Variants in PLD5 observed in about 807,000 individuals in gnomAD.
The protein encoded by PLD5 is inactive phospholipase D5.
Under a neutral mutation model 61.1 loss-of-function variants are expected in PLD5, and 36 were observed. The observed-to-expected ratio is 0.59, with a 90% confidence interval of 0.45 to 0.78. The LOEUF (loss-of-function observed/expected upper bound fraction) is 0.78. PLD5 is among the 30% of genes least tolerant of loss of function. PLD5 has a pLI of 0.00. For missense variants in PLD5, 515 were observed against 644.4 expected, an observed-to-expected ratio of 0.80 and a Z score of 2.17; for synonymous variants, 243 against 242.8, an observed-to-expected ratio of 1.00 and a Z score of -0.01.
At chr1:242,482,893 G>A (rs1444055236) in intron 1 of PLD5, among the ~76,000 whole-genome samples, 1 of 152,174 alleles carries the variant, frequency 6.6e-6, no homozygotes, top group African/African-American at 2.4e-5. Flanking sequence ...AAGAGAGTGG[G>A]GGCCAATATT....
At chr1:242,509,240 G>A (rs1031509060) in intron 1 of PLD5, among the ~76,000 whole-genome samples, 2 of 151,382 alleles carry the variant, frequency 1.3e-5, no homozygotes, top group African/African-American at 2.4e-5. Flanking sequence ...TTAGCCGGGC[G>A]TGATGGCATG....
At chr1:242,234,736 T>C (rs1264013683) in intron 4 of PLD5, among the ~76,000 whole-genome samples, 1 of 152,124 alleles carries the variant, frequency 6.6e-6, no homozygotes, top group Non-Finnish European at 1.5e-5. Context: ...CATGCTCTGA[T>C]CTTTCCTCTG....
chr1:242,121,412 G>A (rs1021398615), intron 6 of PLD5, among the ~76,000 whole-genome samples: 3 of 152,072 alleles, frequency 2.0e-5, no homozygotes, highest in Admixed American at 6.6e-5. Context: ...GACTGTTTTT[G>A]TACCTGTAGG....
At chr1:242,170,781 T>C (rs999273779) in intron 5 of PLD5, among the ~76,000 whole-genome samples, 66 of 151,900 alleles carry the variant, frequency 4.3e-4, no homozygotes, top group East Asian at 1.9e-4. Flanking sequence ...AGTAGCCAAA[T>C]CGATCAAGGG....
At chr1:242,383,244 A>T (rs1159908518) in intron 1 of PLD5, among the ~76,000 whole-genome samples, 1 of 152,104 alleles carries the variant, frequency 6.6e-6, no homozygotes, top group Non-Finnish European at 1.5e-5. Flanking sequence ...GACACAATCA[A>T]TGTACATTTT....
chr1:242,239,146 G>C (rs1241370273), intron 4 of PLD5, among the ~76,000 whole-genome samples: 1 of 152,140 alleles, frequency 6.6e-6, no homozygotes, highest in African/African-American at 2.4e-5. Context: ...TTATAAACTA[G>C]AAAATTGGAA....
intron 1 of PLD5, among the ~76,000 whole-genome samples, chr1:242,404,604 T>C (rs1310692640): frequency 6.6e-6 from 1 of 152,060 alleles, no homozygotes; most frequent in Non-Finnish European, 1.5e-5. Flanking sequence ...ATAGACAGTT[T>C]CCTTAGTTGC....
chr1:242,384,141 C>G (rs1293279579), intron 1 of PLD5, among the ~76,000 whole-genome samples: 1 of 152,240 alleles, frequency 6.6e-6, no homozygotes, highest in South Asian at 2.1e-4. Flanking sequence ...CTCAGGATCA[C>G]CAGAGTCTTT....
intron 2 of PLD5, among the ~76,000 whole-genome samples, chr1:242,310,058 TC>T (rs79911403): frequency 0.66 from 99,253 of 150,574 alleles, 34,737 homozygotes; most frequent in Non-Finnish European, 0.78. Context: ...GACCAATTTT[TC>T]TTTTTTCCAG....
At chr1:242,467,275 C>A (rs1667306249) in intron 1 of PLD5, among the ~76,000 whole-genome samples, 1 of 152,020 alleles carries the variant, frequency 6.6e-6, no homozygotes, top group Non-Finnish European at 1.5e-5. Context: ...CTTTGTCTTT[C>A]TCTGCAATGT....
chr1:242,301,258 TA>T (rs1676018563), intron 2 of PLD5, among the ~76,000 whole-genome samples: 1 of 152,142 alleles, frequency 6.6e-6, no homozygotes, highest in Non-Finnish European at 1.5e-5. Flanking sequence ...GATCTCACAT[TA>T]AGCTACATCT....
At chr1:242,445,348 T>C (rs997486606) in intron 1 of PLD5, among the ~76,000 whole-genome samples, 8 of 152,296 alleles carry the variant, frequency 5.3e-5, no homozygotes, top group East Asian at 3.9e-4. Flanking sequence ...GTTGTTTGTT[T>C]GTTTGCTTTT....
At chr1:242,290,985 C>T (rs1675328663) in intron 2 of PLD5, among the ~76,000 whole-genome samples, 1 of 152,146 alleles carries the variant, frequency 6.6e-6, no homozygotes, top group Admixed American at 6.6e-5. Flanking sequence ...CTTGACCCGC[C>T]CCCACATGAT....
chr1:242,422,936 C>A (rs965855419), intron 1 of PLD5, among the ~76,000 whole-genome samples: 1 of 151,406 alleles, frequency 6.6e-6, no homozygotes, highest in African/African-American at 2.4e-5. Flanking sequence ...GCAGTCTCCA[C>A]CTCCTGGGCT....
chr1:242,395,079 ATG>A (rs1481594662), intron 1 of PLD5, among the ~76,000 whole-genome samples: 3 of 145,484 alleles, frequency 2.1e-5, no homozygotes, highest in Non-Finnish European at 4.5e-5. Context: ...ATGAATATAT[ATG>A]TATATATATG....
rs138710943 is a variant in PLD5 at position 242,084,690 on chromosome 1, A to G, written c.*5164T>C. The G allele has an allele frequency of 4.3e-4, 62 of 143,328 alleles. No individual in the cohort carries two copies. Among genetic ancestry groups the G allele is most frequent in the African/African-American group, 1.6e-3 (61 of 38,546 alleles). 8.9% of individuals were successfully genotyped at this position (143,328 alleles called of 1,614,324 possible). On this transcript the variant is annotated 3_prime_UTR_variant, in exon 10 of 10. Coordinates refer to ENST00000536534, the MANE Select transcript of PLD5 (RefSeq NM_001372062.1). Reference sequence around the variant, plus strand: ...CACTAGGTTCTCTAGTGGGGTCTCTATGATTGTTTCTTTTTCTCACTAAAA... The same window carrying G: ...CACTAGGTTCTCTAGTGGGGTCTCTGTGATTGTTTCTTTTTCTCACTAAAA...
At chr1:242,454,225 C>CAG (rs1362769445) in intron 1 of PLD5, among the ~76,000 whole-genome samples, 17 of 151,306 alleles carry the variant, frequency 1.1e-4, no homozygotes, top group Admixed American at 2.6e-4. Flanking sequence ...CCCAGCTACT[C>CAG]GAGAAGCTGA....
chr1:242,488,256 A>G (rs1668029027), intron 1 of PLD5, among the ~76,000 whole-genome samples: 1 of 152,210 alleles, frequency 6.6e-6, no homozygotes, highest in Admixed American at 6.5e-5. Context: ...TATCCACACA[A>G]AAATGTGCAT....
chr1:242,251,696 T>C (rs755684603), intron 4 of PLD5, among the ~76,000 whole-genome samples: 2 of 152,076 alleles, frequency 1.3e-5, no homozygotes, highest in Admixed American at 1.3e-4. Context: ...TTCTTTTTCC[T>C]TTCCCCTCAT....
Sources: gnomAD v4.1 joint callset for allele counts (sites outside exome capture counted in the v4.1 genomes callset) on GRCh38, gnomAD v4.1.1 for gene constraint, MANE v1.5 for transcripts, NCBI Gene and HGNC (gene_info 2026-07-23, HGNC 2026-07-21) for gene names.